ADGRD1: variants seen among roughly 807,000 people sequenced by gnomAD.
The protein encoded by ADGRD1 is adhesion G protein-coupled receptor D1, also known as G-protein coupled receptor 133.
A neutral mutation model predicts 113.4 loss-of-function variants in ADGRD1; 77 were observed. The ratio of observed to expected loss-of-function variants is 0.68; its 90% confidence interval spans 0.57 to 0.82. The LOEUF (loss-of-function observed/expected upper bound fraction) is 0.82, where lower values mean the gene tolerates loss of function less well. ADGRD1 is among the 40% of genes least tolerant of loss of function. The pLI is 0.00. For synonymous variants in ADGRD1, 474 were observed against 475.0 expected (o/e 1.00, Z 0.03); for missense variants, 1,036 against 1,139.1 (o/e 0.91, Z 1.30).
chr12:131,110,356 CT>C (rs33940390), intron 18 of ADGRD1, among the ~76,000 whole-genome samples: 23 of 149,022 alleles, frequency 1.5e-4, no homozygotes, highest in African/African-American at 2.3e-4. Flanking sequence ...ATTTTTTTCA[CT>C]TTTTTTTTTT....
rs1880155305 is a variant in ADGRD1 at position 131,027,908 on chromosome 12, T to A, written c.1473+13568T>A. ...CACGGCCAGCACCATGGAATGCCTT[T>A]TCCAGACGCCAGCAGAACAGAGCTG... On this transcript the variant is annotated intron_variant, in intron 13 of 24. Transcript: ENST00000261654. The surrounding 1 kb of genome is among the most constrained non-coding windows in gnomAD (Gnocchi z 5.1). The A allele has an allele frequency of 6.6e-6, 1 of 152,220 alleles. No homozygotes were observed. 9.4% of individuals were successfully genotyped at this position (152,220 alleles called of 1,614,324 possible).
Position 130,954,749 on chromosome 12 carries a change from G to GC in ADGRD1, c.103+90dup. ...AACAGCCCACTTGTTCATCTCTGAGGCATCAGCGAATGGCCCTTGTTGGGC... is the reference window on the plus strand; with the variant it reads ...AACAGCCCACTTGTTCATCTCTGAGGCCATCAGCGAATGGCCCTTGTTGGGC... On this transcript the variant is annotated intron_variant, in intron 2 of 24. Transcript: ENST00000261654. This position sits in a 1 kb window ranked among gnomAD's most constrained non-coding sequence, Gnocchi z 4.7. The GC allele has an allele frequency of 7.7e-7, 1 of 1,304,900 alleles. No homozygotes were observed. Among genetic ancestry groups the GC allele is most frequent in the Non-Finnish European group, 1.1e-6 (1 of 902,512 alleles). The allele number at this position is 1,304,900 out of a possible 1,614,324, so 80.8% of individuals were successfully genotyped here. A position where few individuals can be genotyped will look rare whatever the true frequency, so the allele number is the denominator to read the frequency against.
chr12:131,005,264 T>C (rs974163764), intron 11 of ADGRD1, among the ~76,000 whole-genome samples: 5 of 152,206 alleles, frequency 3.3e-5, no homozygotes, highest in African/African-American at 9.7e-5. Context: ...CCAGGGACGA[T>C]GCCACCTTCC....
Position 130,975,479 on chromosome 12 carries a change from G to A in ADGRD1, c.310+3899G>A, listed in dbSNP as rs183300537. Among the ~76,000 whole-genome samples, 4 of 152,238 alleles carry A rather than the reference G, an allele frequency of 2.6e-5. No individual in the cohort carries two copies. The East Asian group carries it at 5.8e-4, about 22-fold the overall frequency. ...TGAATACTGAACAAGGGCCATTCAC[G>A]ACTCCTAGAGAAATCATTTCCCCTA... On this transcript the variant is annotated intron_variant, in intron 4 of 24. Coordinates refer to ENST00000261654, the MANE Select transcript of ADGRD1 (RefSeq NM_198827.5).
At chr12:131,010,455 GC>G (rs1211776518) in intron 12 of ADGRD1, among the ~76,000 whole-genome samples, 16 of 152,280 alleles carry the variant, frequency 1.1e-4, no homozygotes, top group Admixed American at 1.0e-3. Flanking sequence ...CCGAATAACA[GC>G]CCTTTTTCTT....
At chr12:130,960,288 C>A (rs983880934) in intron 2 of ADGRD1, among the ~76,000 whole-genome samples, 33 of 152,182 alleles carry the variant, frequency 2.2e-4, no homozygotes, top group Non-Finnish European at 4.4e-5. Flanking sequence ...GGGCGGCTCA[C>A]TTCACCCGCT....
chr12:131,085,746 T>G (rs1248092768), intron 15 of ADGRD1, among the ~76,000 whole-genome samples: 1 of 152,170 alleles, frequency 6.6e-6, no homozygotes, highest in Non-Finnish European at 1.5e-5. Context: ...GGCGATCTGT[T>G]GGATGCTGGG....
chr12:131,111,591 A>G (rs540402041), intron 18 of ADGRD1, among the ~76,000 whole-genome samples: 18 of 150,844 alleles, frequency 1.2e-4, no homozygotes, highest in African/African-American at 4.4e-4. Flanking sequence ...TACAGCTTCT[A>G]AGACTCTTGA....
chr12:131,093,072 G>A (rs558010211), intron 15 of ADGRD1, among the ~76,000 whole-genome samples: 4 of 151,764 alleles, frequency 2.6e-5, no homozygotes, highest in South Asian at 4.2e-4. Flanking sequence ...CGTTCGCATC[G>A]CTCTTCTGCT....
chr12:131,094,282 TG>T (rs1887126914), intron 15 of ADGRD1, among the ~76,000 whole-genome samples: 2 of 151,454 alleles, frequency 1.3e-5, no homozygotes, highest in African/African-American at 4.9e-5. Context: ...GGAGTGGGAG[TG>T]GGGTGGGGTG....
At chr12:131,097,135 C>T (rs1439100371) in intron 15 of ADGRD1, among the ~76,000 whole-genome samples, 1 of 152,174 alleles carries the variant, frequency 6.6e-6, no homozygotes, top group Non-Finnish European at 1.5e-5. Flanking sequence ...TTAGCAATTC[C>T]CTGAGTCAAA....
chr12:131,048,103 A>G (rs1257012861), intron 13 of ADGRD1, among the ~76,000 whole-genome samples: 2 of 152,122 alleles, frequency 1.3e-5, no homozygotes, highest in Non-Finnish European at 2.9e-5. Context: ...AGGCCCTTCA[A>G]CCCTGAAACA....
chr12:131,083,491 C>T (rs1484448975), intron 14 of ADGRD1, among the ~76,000 whole-genome samples: 1 of 152,102 alleles, frequency 6.6e-6, no homozygotes, highest in Admixed American at 6.5e-5. Flanking sequence ...CCTGTAGTCC[C>T]AGCTACTTGG....
At chr12:131,130,222 G>C (rs1317328183) in intron 20 of ADGRD1, among the ~76,000 whole-genome samples, 1 of 152,164 alleles carries the variant, frequency 6.6e-6, no homozygotes, top group Non-Finnish European at 1.5e-5. Flanking sequence ...TCCCTTCCCT[G>C]GCCTTTGGAC....
chr12:131,075,126 G>A lies in ADGRD1; in HGVS notation c.1474-1675G>A, dbSNP rs897016648. Among the ~76,000 whole-genome samples the A allele has an allele frequency of 5.3e-5, 8 of 152,122 alleles. No homozygotes were observed. Among genetic ancestry groups the A allele is most frequent in the Non-Finnish European group, 7.3e-5 (5 of 68,044 alleles). On this transcript the variant is annotated intron_variant, in intron 13 of 24. Coordinates refer to ENST00000261654, the MANE Select transcript of ADGRD1 (RefSeq NM_198827.5). The surrounding 1 kb of genome is among the most constrained non-coding windows in gnomAD (Gnocchi z 5.3). Reference sequence around the variant, plus strand: ...TGGGTCTGGCTGCTGGCTTCCCCAGGTCACCGACTTATTTTTTAAATTTCC... The same window carrying A: ...TGGGTCTGGCTGCTGGCTTCCCCAGATCACCGACTTATTTTTTAAATTTCC...
At chr12:131,104,976 C>G (rs774689313) in intron 16 of ADGRD1, 42 bp downstream of exon 16, 21 of 1,312,182 alleles carry the variant, frequency 1.6e-5, no homozygotes, top group Non-Finnish European at 1.7e-5. Flanking sequence ...CTCTCGGCCC[C>G]TGCCTGCACC....
rs1566052955 is a variant in ADGRD1 at position 131,037,240 on chromosome 12, T to G, written c.1473+22900T>G. 3.4e-5 allele frequency among the ~76,000 whole-genome samples: 5 copies of G among 145,444 alleles called. No individual in the cohort carries two copies. The South Asian group carries it at 1.1e-3, about 32-fold the overall frequency. On this transcript the variant is annotated intron_variant, in intron 13 of 24. Coordinates refer to ENST00000261654, the MANE Select transcript of ADGRD1 (RefSeq NM_198827.5). Reference sequence around the variant, plus strand: ...ACTCACTGCACTGGGTCTCACTCACTGCACTGAGCCTCACTCACTACACCA... The same window carrying G: ...ACTCACTGCACTGGGTCTCACTCACGGCACTGAGCCTCACTCACTACACCA...
intron 20 of ADGRD1, among the ~76,000 whole-genome samples, chr12:131,131,393 C>T (rs1288501040): frequency 6.6e-6 from 1 of 152,230 alleles, no homozygotes; most frequent in Non-Finnish European, 1.5e-5. Context: ...CTCCGAGGAC[C>T]TGGGTGAGTT....
At chr12:130,995,947 T>G (rs553514716) in intron 8 of ADGRD1, among the ~76,000 whole-genome samples, 58 of 152,094 alleles carry the variant, frequency 3.8e-4, no homozygotes, top group African/African-American at 1.4e-3. Flanking sequence ...TTTGTGTCCC[T>G]GATTACTTGA....
Sources: allele counts gnomAD v4.1 joint callset (sites outside exome capture counted in the v4.1 genomes callset), GRCh38; gene constraint gnomAD v4.1.1; non-coding constraint Gnocchi (gnomAD v3.1); transcripts MANE v1.5; gene names NCBI Gene and HGNC (gene_info 2026-07-23, HGNC 2026-07-21).